LMAN1L: variants seen among roughly 807,000 people sequenced by gnomAD.
LMAN1L encodes lectin, mannose binding 1 like.
A neutral mutation model predicts 58.3 loss-of-function variants in LMAN1L; 60 were observed. The ratio of observed to expected loss-of-function variants is 1.03; its 90% confidence interval spans 0.84 to 1.27. The LOEUF is 1.27. Ranked by LOEUF, LMAN1L falls within the 50% of genes most tolerant of loss-of-function variation. LMAN1L has a pLI of 0.00. For synonymous variants in LMAN1L, 280 were observed against 271.6 expected, an observed-to-expected ratio of 1.03 and a Z score of -0.31; for missense variants, 629 against 674.0, an observed-to-expected ratio of 0.93 and a Z score of 0.74.
intron 12 of LMAN1L, 22 bp downstream of exon 12, chr15:74,823,704 G>T (rs1364792195): frequency 6.2e-7 from 1 of 1,609,658 alleles, no homozygotes; most frequent in East Asian, 2.2e-5. Flanking sequence ...GTAGTGGGCA[G>T]CATGGGGTCC....
chr15:74,823,173 G>A (rs1369794763), intron 11 of LMAN1L, among the ~76,000 whole-genome samples: 2 of 152,174 alleles, frequency 1.3e-5, no homozygotes, highest in Non-Finnish European at 2.9e-5. Context: ...GAGTCCTGGG[G>A]ATGCTGTGGA....
chr15:74,813,548 C>T (rs2063875487), intron 1 of LMAN1L: 1 of 443,192 alleles, frequency 2.3e-6, no homozygotes, highest in Non-Finnish European at 4.6e-6. Context: ...CATCTTAGCC[C>T]ATAGGTTTGT....
intron 3 of LMAN1L, 29 bp downstream of exon 3, chr15:74,816,563 C>G (rs552522947): frequency 1.3e-5 from 20 of 1,580,258 alleles, no homozygotes; most frequent in Middle Eastern, 1.7e-4. Flanking sequence ...CCTGCCAGCC[C>G]GCCTGCCCGC....
rs769482188 is a variant in LMAN1L, at chr15:74,816,351, C to T, written c.330+40C>T. The T allele has an allele frequency of 3.1e-6, 5 of 1,605,886 alleles. No homozygotes were observed. In the African/African-American group the frequency reaches 6.7e-5, roughly 21 times the overall value. On this transcript the variant is annotated intron_variant, in intron 2 of 13. Coordinates refer to ENST00000309664, the MANE Select transcript of LMAN1L (RefSeq NM_021819.3). ...CCAGAGCTGACAGAGCGGGGTGGGT[C>T]AGGGAGGCGGGTGATGAGCCCCGGG...
chr15:74,814,382 T>TTG lies in LMAN1L; in HGVS notation c.175+1354_175+1355insGT, dbSNP rs1555466773. 1.1e-4 allele frequency among the ~76,000 whole-genome samples: 16 copies of TTG among 140,720 alleles called. 2 individuals are homozygous for TTG. Among genetic ancestry groups the TTG allele is most frequent in the East Asian group, 4.1e-4 (2 of 4,824 alleles). The allele number at this position is 140,720 out of a possible 152,430, so 92.3% of individuals were successfully genotyped here. A position where few individuals can be genotyped will look rare whatever the true frequency, so the allele number is the denominator to read the frequency against. On this transcript the variant is annotated intron_variant, in intron 1 of 13. Transcript: ENST00000309664. ...CTAATTTTTGTTTTTGTTTTTGTTT[T>TTG]TTTTTTTTTGAGACGGAGTCTCGTT...
chr15:74,815,822 T>C (rs2063887803), intron 1 of LMAN1L, among the ~76,000 whole-genome samples: 1 of 152,254 alleles, frequency 6.6e-6, no homozygotes, highest in African/African-American at 2.4e-5. Flanking sequence ...TGGAGTCATA[T>C]GGAGCTGAAT....
intron 12 of LMAN1L, 72 bp downstream of exon 12, chr15:74,823,754 A>T: frequency 6.4e-7 from 1 of 1,564,414 alleles, no homozygotes; most frequent in Non-Finnish European, 8.7e-7. Context: ...TTCTTCCAGC[A>T]CTTCAGCAGC....
At chr15:74,817,716 AAGG>A (rs919041637) in intron 4 of LMAN1L, among the ~76,000 whole-genome samples, 21 of 152,164 alleles carry the variant, frequency 1.4e-4, no homozygotes, top group Admixed American at 8.5e-4. Context: ...AGTTTAAAAG[AAGG>A]AGGAGGGAGA....
intron 11 of LMAN1L, among the ~76,000 whole-genome samples, chr15:74,823,161 G>A (rs1386806237): frequency 6.6e-6 from 1 of 152,108 alleles, no homozygotes; most frequent in Non-Finnish European, 1.5e-5. Flanking sequence ...TGGGGGTTGG[G>A]GGAGTCCTGG....
chr15:74,823,374 G>C (rs891514611), intron 11 of LMAN1L, among the ~76,000 whole-genome samples, 185 bp from the exon 12 acceptor site: 1 of 152,156 alleles, frequency 6.6e-6, no homozygotes, highest in Non-Finnish European at 1.5e-5. Context: ...CTTTATCTGA[G>C]CTAAAGTCTC....
rs1200343981 is a variant in LMAN1L, at chr15:74,816,418, G to A, written c.331-9G>A. On this transcript the variant is annotated splice_polypyrimidine_tract_variant and intron_variant, in intron 2 of 13. Transcript: ENST00000309664. ...CGGTTCCCTGAGCTGAGGGGCTGGG[G>A]ACCTGCAGGCCGTGTGGTACACCCG... 1.3e-6 allele frequency: 2 copies of A among 1,565,746 alleles called. No homozygotes were observed. The highest frequency in any genetic ancestry group is 2.3e-5 in the East Asian group (1 of 44,338).
intron 9 of LMAN1L, 110 bp downstream of exon 9, chr15:74,821,336 G>GATGAAATGCTGCAGGTCACAGGATGGGGC: frequency 7.7e-7 from 1 of 1,292,172 alleles, no homozygotes; most frequent in Non-Finnish European, 1.1e-6. Flanking sequence ...GGAAGGCAGG[G>GATGAAATGCTGCAGGTCACAGGATGGGGC]ATGAAATGCT....
At chr15:74,824,067 C>A in intron 12 of LMAN1L, 2 of 516,856 alleles carry the variant, frequency 3.9e-6, no homozygotes, top group South Asian at 5.5e-5. Flanking sequence ...ACCCTGCTCA[C>A]CCTGTCTTTG....
chr15:74,825,253 G>A (rs1429122254), intron 13 of LMAN1L: 1 of 496,908 alleles, frequency 2.0e-6, no homozygotes, highest in Non-Finnish European at 3.7e-6. Context: ...CACATGCACA[G>A]GAGTGCAGTG....
chr15:74,825,358 C>A, intron 13 of LMAN1L, 118 bp from the exon 14 acceptor site: 2 of 1,157,222 alleles, frequency 1.7e-6, no homozygotes, highest in Non-Finnish European at 2.5e-6. Context: ...ACAGAAAGTC[C>A]AAGAACAGCG....
intron 9 of LMAN1L, 79 bp from the exon 10 acceptor site, chr15:74,821,750 C>T: frequency 7.4e-6 from 7 of 946,992 alleles, no homozygotes; most frequent in South Asian, 1.5e-5. Context: ...GTCAGAGCAG[C>T]TTAGGCTGGG....
At chr15:74,820,357 G>A in intron 7 of LMAN1L, 1 of 615,288 alleles carries the variant, frequency 1.6e-6, no homozygotes, top group South Asian at 1.9e-5. Context: ...GGCTGTGGGA[G>A]CACAGAGGAG....
Position 74,824,347 on chromosome 15 carries a change from T to G in LMAN1L, c.1324-4T>G. The G allele has an allele frequency of 6.2e-7, 1 of 1,613,766 alleles. No individual in the cohort carries two copies. Among genetic ancestry groups the G allele is most frequent in the Non-Finnish European group, 8.5e-7 (1 of 1,179,782 alleles). On this transcript the variant is annotated splice_polypyrimidine_tract_variant and splice_region_variant and intron_variant, in intron 12 of 13. Coordinates refer to ENST00000309664, the MANE Select transcript of LMAN1L (RefSeq NM_021819.3). ...AGCTAGGACCTTAGACTTTCCCCTT[T>G]CAGAAGGCAGCAGCCAAGGCCCCCC...
chr15:74,817,420 T>C (rs1465802096), intron 4 of LMAN1L, among the ~76,000 whole-genome samples: 2 of 152,266 alleles, frequency 1.3e-5, no homozygotes, highest in African/African-American at 4.8e-5. Flanking sequence ...CCCAGGTGGC[T>C]GCTGTGGTGC....
Sources: allele counts gnomAD v4.1 joint callset (sites outside exome capture counted in the v4.1 genomes callset), GRCh38; gene constraint gnomAD v4.1.1; transcripts MANE v1.5; gene names NCBI Gene and HGNC (gene_info 2026-07-23, HGNC 2026-07-21).